DPYD: variants seen among roughly 807,000 people sequenced by gnomAD.
The protein encoded by DPYD is dihydropyrimidine dehydrogenase [NADP(+)].
A neutral mutation model predicts 116.2 loss-of-function variants in DPYD; 109 were observed. That is an observed-to-expected ratio of 0.94 (90% CI 0.80 to 1.10). The LOEUF is 1.10. Ranked by LOEUF, DPYD falls within the 50% of genes least tolerant of loss-of-function variation. The pLI is 0.00. For missense variants in DPYD, 1,302 were observed against 1,254.5 expected, an observed-to-expected ratio of 1.04 and a Z score of -0.57; for synonymous variants, 440 against 432.0, an observed-to-expected ratio of 1.02 and a Z score of -0.23.
chr1:97,613,437 T>C (rs2811196), intron 8 of DPYD, among the ~76,000 whole-genome samples: 22,783 of 151,928 alleles, frequency 0.15, 1,908 homozygotes, highest in African/African-American at 0.2. Context: ...TTTACTCTTC[T>C]GCATCCTCAT....
At chr1:97,481,874 GTA>G (rs1678335337) in intron 13 of DPYD, among the ~76,000 whole-genome samples, 1 of 151,842 alleles carries the variant, frequency 6.6e-6, no homozygotes, top group African/African-American at 2.4e-5. Flanking sequence ...CTCTCTCTCT[GTA>G]TATGTGTGTT....
At chr1:97,243,210 A>G (rs1410577097) in intron 18 of DPYD, among the ~76,000 whole-genome samples, 1 of 151,916 alleles carries the variant, frequency 6.6e-6, no homozygotes, top group East Asian at 1.9e-4. Flanking sequence ...TGGTAGTTTA[A>G]GAGCAATTTT....
intron 14 of DPYD, among the ~76,000 whole-genome samples, chr1:97,437,205 A>G (rs2101748602): frequency 6.6e-6 from 1 of 151,772 alleles, no homozygotes. Flanking sequence ...CCCTCTGTCC[A>G]TAAGACAACC....
At chr1:97,495,591 A>G (rs1679215650) in intron 13 of DPYD, among the ~76,000 whole-genome samples, 1 of 152,000 alleles carries the variant, frequency 6.6e-6, no homozygotes, top group African/African-American at 2.4e-5. Flanking sequence ...GTGCTGTAAG[A>G]CAGTTTGTTA....
At chr1:97,317,606 T>C (rs748007260) in intron 16 of DPYD, among the ~76,000 whole-genome samples, 4 of 152,052 alleles carry the variant, frequency 2.6e-5, no homozygotes, top group Admixed American at 1.3e-4. Context: ...TTAGCTTATG[T>C]ATTTCAGTGC....
chr1:97,503,532 T>G (rs912817641), intron 13 of DPYD, among the ~76,000 whole-genome samples: 13 of 152,108 alleles, frequency 8.5e-5, no homozygotes, highest in Admixed American at 5.2e-4. Flanking sequence ...GATGGCTTTG[T>G]CGAAGCTTTC....
intron 2 of DPYD, among the ~76,000 whole-genome samples, chr1:97,843,166 G>C (rs1670121044): frequency 6.6e-6 from 1 of 152,022 alleles, no homozygotes; most frequent in South Asian, 2.1e-4. Context: ...AACCTACTCA[G>C]GGTCTCAATT....
At chr1:97,491,268 G>T (rs1678960530) in intron 13 of DPYD, among the ~76,000 whole-genome samples, 1 of 148,782 alleles carries the variant, frequency 6.7e-6, no homozygotes, top group Admixed American at 6.8e-5. Flanking sequence ...AATATGAATA[G>T]AATATATATT....
rs563728235 is a variant in DPYD at position 97,179,670 on chromosome 1, G to T, written c.2622+13399C>A. On this transcript the variant is annotated intron_variant, in intron 20 of 22. Coordinates refer to ENST00000370192, the MANE Select transcript of DPYD (RefSeq NM_000110.4). ...AGGCACTTCATAAACAGTGCCTGAA[G>T]CTGCAAATCAAAGGCTTCTCAGTGC... Among the ~76,000 whole-genome samples, 4 of 152,228 alleles carry T rather than the reference G, an allele frequency of 2.6e-5. 1 individual carries two copies. In the South Asian group the frequency reaches 8.3e-4, roughly 32 times the overall value.
chr1:97,109,845 A>T (rs1212569692), intron 20 of DPYD, among the ~76,000 whole-genome samples: 1 of 143,024 alleles, frequency 7.0e-6, no homozygotes, highest in Non-Finnish European at 1.6e-5. Context: ...AGGAAGTATA[A>T]GTTTTTTAAT....
chr1:97,456,070 T>C (rs958776217), intron 13 of DPYD, among the ~76,000 whole-genome samples: 1 of 151,854 alleles, frequency 6.6e-6, no homozygotes, highest in Non-Finnish European at 1.5e-5. Flanking sequence ...AGCACAAATC[T>C]GTCACATATA....
At chr1:97,657,430 A>G (rs1455537173) in intron 8 of DPYD, among the ~76,000 whole-genome samples, 1 of 152,218 alleles carries the variant, frequency 6.6e-6, no homozygotes, top group Non-Finnish European at 1.5e-5. Flanking sequence ...TAAAACATGC[A>G]GTCTTGCCCA....
chr1:97,266,114 A>G (rs1465098301), intron 18 of DPYD, among the ~76,000 whole-genome samples: 2 of 152,196 alleles, frequency 1.3e-5, no homozygotes, highest in African/African-American at 4.8e-5. Context: ...AACTTAATCT[A>G]AGTTTCACAA....
chr1:97,263,153 C>T (rs1419509853), intron 18 of DPYD, among the ~76,000 whole-genome samples: 8 of 152,072 alleles, frequency 5.3e-5, no homozygotes, highest in African/African-American at 1.9e-4. Flanking sequence ...ATTTGTGATC[C>T]TTTTCCTAAT....
intron 8 of DPYD, among the ~76,000 whole-genome samples, chr1:97,614,515 C>G (rs1172283738): frequency 6.6e-6 from 1 of 151,874 alleles, no homozygotes; most frequent in East Asian, 1.9e-4. Flanking sequence ...ACAATTAGCC[C>G]CTAGAAGGGG....
At chr1:97,116,414 T>A (rs914345155) in intron 20 of DPYD, among the ~76,000 whole-genome samples, 6 of 152,142 alleles carry the variant, frequency 3.9e-5, no homozygotes, top group African/African-American at 1.2e-4. Flanking sequence ...GGCACACACC[T>A]ATAGTCCCAG....
At chr1:97,651,127 A>G (rs555988304) in intron 8 of DPYD, among the ~76,000 whole-genome samples, 4 of 152,266 alleles carry the variant, frequency 2.6e-5, no homozygotes, top group African/African-American at 4.8e-5. Context: ...TACATAAAAC[A>G]TGTACAATTT....
At chr1:97,363,409 C>A (rs764668845) in intron 16 of DPYD, among the ~76,000 whole-genome samples, 14 of 152,234 alleles carry the variant, frequency 9.2e-5, no homozygotes, top group Non-Finnish European at 1.6e-4. Flanking sequence ...TGTCAAGGAT[C>A]TAGAACTAGA....
chr1:97,198,547 T>C (rs919752501), intron 19 of DPYD, among the ~76,000 whole-genome samples: 1 of 152,178 alleles, frequency 6.6e-6, no homozygotes, highest in African/African-American at 2.4e-5. Flanking sequence ...GCCTAACTTA[T>C]ATACTCCATT....
Sources: gnomAD v4.1 joint callset for allele counts (sites outside exome capture counted in the v4.1 genomes callset) on GRCh38, gnomAD v4.1.1 for gene constraint, MANE v1.5 for transcripts, NCBI Gene and HGNC (gene_info 2026-07-23, HGNC 2026-07-21) for gene names.